PXMP2: variants seen among roughly 807,000 people sequenced by gnomAD.
PXMP2 encodes the protein 22 kDa peroxisomal membrane protein.
PXMP2 carries 13 observed loss-of-function variants against 20.2 expected under a neutral mutation model. That is an observed-to-expected ratio of 0.64 (90% CI 0.42 to 1.02). The LOEUF is 1.02. Among genes scored for constraint, PXMP2 ranks in the 50% least tolerant of loss-of-function variants. The pLI, the probability that PXMP2 is intolerant of heterozygous loss-of-function variation, is 0.00. For synonymous variants in PXMP2, 113 were observed against 111.2 expected, an observed-to-expected ratio of 1.02 and a Z score of -0.10; for missense variants, 284 against 251.8, an observed-to-expected ratio of 1.13 and a Z score of -0.87.
At chr12:132,702,818 G>A (rs1278904711) in intron 4 of PXMP2, among the ~76,000 whole-genome samples, 2 of 152,158 alleles carry the variant, frequency 1.3e-5, no homozygotes, top group Non-Finnish European at 2.9e-5. Flanking sequence ...CATTAGCACC[G>A]GCTCTGAGCC....
intron 3 of PXMP2, 142 bp from the exon 4 acceptor site, chr12:132,701,108 G>C: frequency 8.4e-7 from 1 of 1,188,826 alleles, no homozygotes; most frequent in Non-Finnish European, 1.2e-6. Flanking sequence ...CCGCAGTGCT[G>C]AGTACACATG....
chr12:132,690,468 G>T, intron 2 of PXMP2, 92 bp downstream of exon 2: 1 of 935,898 alleles, frequency 1.1e-6, no homozygotes, highest in Non-Finnish European at 1.6e-6. Flanking sequence ...ACTCTTATTT[G>T]GAAATATAAT....
intron 4 of PXMP2, among the ~76,000 whole-genome samples, chr12:132,701,893 C>T (rs772010380): frequency 6.6e-6 from 1 of 152,150 alleles, no homozygotes; most frequent in Non-Finnish European, 1.5e-5. Context: ...AGTTCGAGAC[C>T]AGCCTGGCCA....
chr12:132,694,327 T>C (rs1362978277), intron 2 of PXMP2, among the ~76,000 whole-genome samples: 1 of 92,938 alleles, frequency 1.1e-5, no homozygotes, highest in Non-Finnish European at 2.5e-5. Context: ...CCTTAGTCAG[T>C]TAGTTAGTGA....
chr12:132,703,980 C>T (rs530603373), intron 4 of PXMP2, among the ~76,000 whole-genome samples: 3 of 152,112 alleles, frequency 2.0e-5, no homozygotes, highest in Non-Finnish European at 4.4e-5. Flanking sequence ...GGGGCAGAGT[C>T]GCCATCCTAG....
At chr12:132,688,000 C>A in intron 1 of PXMP2, 1 of 369,110 alleles carries the variant, frequency 2.7e-6, no homozygotes, top group Non-Finnish European at 4.0e-6. Flanking sequence ...TTGCGGATCC[C>A]GCCCTCCCAG....
chr12:132,687,638 C>A lies in PXMP2; in HGVS notation c.-33C>A. ...GCGCCCGGCCAGCCTGAGGTGGGGTCGGTGCCCCCGGCGGCACGGCGCTGG... is the reference window on the plus strand; with the variant it reads ...GCGCCCGGCCAGCCTGAGGTGGGGTAGGTGCCCCCGGCGGCACGGCGCTGG... On this transcript the variant is annotated 5_prime_UTR_variant, in exon 1 of 5. Transcript: ENST00000317479. 9 of 1,155,134 alleles carry A rather than the reference C, an allele frequency of 7.8e-6. No individual in the cohort carries two copies. Among genetic ancestry groups the A allele is most frequent in the South Asian group, 4.2e-5 (1 of 23,588 alleles). The allele number at this position is 1,155,134 out of a possible 1,614,324, so 71.6% of individuals were successfully genotyped here. A position where few individuals can be genotyped will look rare whatever the true frequency, so the allele number is the denominator to read the frequency against.
chr12:132,701,721 T>C (rs1286305202), intron 4 of PXMP2: 1 of 289,934 alleles, frequency 3.4e-6, no homozygotes, highest in Non-Finnish European at 6.6e-6. Context: ...GTCCCAGGAA[T>C]GTACATGCAG....
In PXMP2 at chr12:132,695,873, G is replaced by A; in HGVS notation, c.237-11G>A. The A allele has an allele frequency of 6.3e-7, 1 of 1,599,320 alleles. No individual in the cohort carries two copies. The highest frequency in any genetic ancestry group is 1.1e-5 in the South Asian group (1 of 88,680). ...AACCACAATCTGGCTCACACCCCCTGGGGGCCTCAGGTTCTTCTTCACAGG... is the reference window on the plus strand; with the variant it reads ...AACCACAATCTGGCTCACACCCCCTAGGGGCCTCAGGTTCTTCTTCACAGG... On this transcript the variant is annotated splice_polypyrimidine_tract_variant and intron_variant, in intron 2 of 4. Coordinates refer to ENST00000317479, the MANE Select transcript of PXMP2 (RefSeq NM_018663.3).
At chr12:132,700,736 C>T (rs562633991) in intron 3 of PXMP2, among the ~76,000 whole-genome samples, 2 of 151,702 alleles carry the variant, frequency 1.3e-5, no homozygotes, top group Admixed American at 6.6e-5. Flanking sequence ...GTCACAAATT[C>T]TTTGTCTTGG....
chr12:132,695,863 C>T (rs750157892), intron 2 of PXMP2, 21 bp from the exon 3 acceptor site: 2 of 1,589,148 alleles, frequency 1.3e-6, no homozygotes, highest in East Asian at 2.3e-5. Flanking sequence ...CAATCTGGCT[C>T]ACACCCCCTG....
At position 132,690,199 on chromosome 12, in the gene PXMP2, C is replaced by A. The variant is rs2043357991; in HGVS notation, c.123-64C>A. Reference sequence around the variant, plus strand: ...GCCTCAGAACGGCCCTGCTAATTCACCTATGGGAAAGGGACACCCTCCTGC... The same window carrying A: ...GCCTCAGAACGGCCCTGCTAATTCAACTATGGGAAAGGGACACCCTCCTGC... On this transcript the variant is annotated intron_variant, in intron 1 of 4. Coordinates refer to ENST00000317479, the MANE Select transcript of PXMP2 (RefSeq NM_018663.3). The A allele has an allele frequency of 2.2e-6, 3 of 1,346,750 alleles. No individual in the cohort carries two copies. The East Asian group carries it at 6.9e-5, about 31-fold the overall frequency. 83.4% of individuals were successfully genotyped at this position (1,346,750 alleles called of 1,614,324 possible).
intron 2 of PXMP2, among the ~76,000 whole-genome samples, chr12:132,693,647 G>T (rs1364628311): frequency 9.0e-6 from 1 of 110,924 alleles, no homozygotes; most frequent in African/African-American, 3.4e-5. Flanking sequence ...TTGCCAGTTA[G>T]TGAGCGCCCT....
In PXMP2 at chr12:132,701,383, G is replaced by T. The variant is rs753045568; in HGVS notation, c.519+14G>T. ...GTCCCTCTGAAGGTGAGGGCCACGG[G>T]GCTCAGCCTCTGCTAACATTACTTT... On this transcript the variant is annotated intron_variant, in intron 4 of 4. Coordinates refer to ENST00000317479, the MANE Select transcript of PXMP2 (RefSeq NM_018663.3). The T allele has an allele frequency of 2.4e-5, 39 of 1,611,290 alleles. No homozygotes were observed. The highest frequency in any genetic ancestry group is 3.2e-5 in the Non-Finnish European group (38 of 1,179,516).
Position 132,704,977 on chromosome 12 carries a change from G to T in PXMP2, c.*290G>T, listed in dbSNP as rs1010439734. On this transcript the variant is annotated 3_prime_UTR_variant, in exon 5 of 5. Coordinates refer to ENST00000317479, the MANE Select transcript of PXMP2 (RefSeq NM_018663.3). ...AGGATCACAATAAACGATAATGCAG[G>T]TTCTTCAATGGTGACTTTAATCTCT... 3 of 511,496 alleles carry T rather than the reference G, an allele frequency of 5.9e-6. No homozygotes were observed. The highest frequency in any genetic ancestry group is 3.5e-6 in the Non-Finnish European group (1 of 289,010). The allele number at this position is 511,496 out of a possible 1,614,324, so 31.7% of individuals were successfully genotyped here.
chr12:132,703,841 C>T (rs1342127256), intron 4 of PXMP2, among the ~76,000 whole-genome samples: 4 of 152,064 alleles, frequency 2.6e-5, no homozygotes, highest in Non-Finnish European at 4.4e-5. Context: ...AAGCTACAGC[C>T]ATGGGCCACT....
chr12:132,701,859 G>T (rs1310246323), intron 4 of PXMP2, among the ~76,000 whole-genome samples: 2 of 152,162 alleles, frequency 1.3e-5, no homozygotes, highest in Non-Finnish European at 2.9e-5. Flanking sequence ...GAAGGCTGAG[G>T]TGGGCAAATC....
intron 2 of PXMP2, among the ~76,000 whole-genome samples, chr12:132,694,819 C>T (rs1475524702): frequency 7.0e-6 from 1 of 142,598 alleles, no homozygotes; most frequent in Non-Finnish European, 1.5e-5. Flanking sequence ...TTAGTGAGCG[C>T]CCTTAGCCAG....
Position 132,687,611 on chromosome 12 carries a change from C to G in PXMP2, c.-60C>G. The G allele has an allele frequency of 5.2e-6, 6 of 1,162,814 alleles. No individual in the cohort carries two copies. Among genetic ancestry groups the G allele is most frequent in the Non-Finnish European group, 6.4e-6 (6 of 943,954 alleles). The allele number at this position is 1,162,814 out of a possible 1,614,324, so 72.0% of individuals were successfully genotyped here. ...CACTCCGCTCTCGGCGCCTCGGGCT[C>G]CGCGCCCGGCCAGCCTGAGGTGGGG... On this transcript the variant is annotated 5_prime_UTR_variant, in exon 1 of 5. Coordinates refer to ENST00000317479, the MANE Select transcript of PXMP2 (RefSeq NM_018663.3).
Sources: gnomAD v4.1 joint callset for allele counts (sites outside exome capture counted in the v4.1 genomes callset) on GRCh38, gnomAD v4.1.1 for gene constraint, MANE v1.5 for transcripts, NCBI Gene and HGNC (gene_info 2026-07-23, HGNC 2026-07-21) for gene names.